Variants in IL1RAPL1 observed in about 807,000 individuals in gnomAD.
IL1RAPL1 encodes interleukin 1 receptor accessory protein like 1.
In IL1RAPL1, 3 loss-of-function variants were observed where a neutral mutation model predicts 48.4. That is an observed-to-expected ratio of 0.06 (90% CI 0.03 to 0.16). The LOEUF (loss-of-function observed/expected upper bound fraction) is 0.16. IL1RAPL1 is among the 10% of genes least tolerant of loss of function. The pLI is 1.00. For missense variants in IL1RAPL1, 349 were observed against 530.6 expected, an observed-to-expected ratio of 0.66 and a Z score of 3.36; for synonymous variants, 185 against 187.7, an observed-to-expected ratio of 0.99 and a Z score of 0.12.
intron 2 of IL1RAPL1, among the ~76,000 whole-genome samples, chrX:29,273,879 C>T (rs1160458190): frequency 9.0e-6 from 1 of 111,686 alleles, no homozygotes; most frequent in African/African-American, 3.3e-5. Context: ...TCAAGGCAAT[C>T]TTCTATACTT....
At chrX:29,486,278 C>T (rs780586845) in intron 5 of IL1RAPL1, among the ~76,000 whole-genome samples, 2 of 110,333 alleles carry the variant, frequency 1.8e-5, no homozygotes, top group Non-Finnish European at 3.8e-5. Context: ...GTGTGTTGTT[C>T]GTTTGTGTTT....
In IL1RAPL1 at chrX:28,822,467, T is replaced by C. The variant is rs756013578; in HGVS notation, c.82+33042T>C. Among the ~76,000 whole-genome samples, 28 of 112,159 alleles carry C rather than the reference T, an allele frequency of 2.5e-4. 1 individual carries two copies. The highest frequency in any genetic ancestry group is 4.7e-4 in the Non-Finnish European group (25 of 53,145). Reference sequence around the variant, plus strand: ...AAGGTTGCCAACCCCTGTGTTAGACTATCAGATACAAGGAACTGTCTTATT... The same window carrying C: ...AAGGTTGCCAACCCCTGTGTTAGACCATCAGATACAAGGAACTGTCTTATT... On this transcript the variant is annotated intron_variant, in intron 2 of 10. Transcript: ENST00000378993.
intron 1 of IL1RAPL1, among the ~76,000 whole-genome samples, chrX:28,757,638 A>G (rs1191639708): frequency 1.8e-5 from 2 of 111,725 alleles, no homozygotes; most frequent in Non-Finnish European, 3.8e-5. Flanking sequence ...TCCACCTTGA[A>G]GACATCACTG....
intron 1 of IL1RAPL1, among the ~76,000 whole-genome samples, chrX:28,742,749 T>G (rs946434406): frequency 8.9e-6 from 1 of 112,087 alleles, no homozygotes; most frequent in Non-Finnish European, 1.9e-5. Context: ...ATAATTTCAC[T>G]TCTATAGATG....
chrX:29,778,282 G>T (rs373591221), intron 6 of IL1RAPL1, among the ~76,000 whole-genome samples: 3 of 111,736 alleles, frequency 2.7e-5, no homozygotes, highest in East Asian at 5.6e-4. Flanking sequence ...AGACTAGGAT[G>T]TAGACTGTAA....
chrX:29,132,093 G>A (rs1306781857), intron 2 of IL1RAPL1, among the ~76,000 whole-genome samples: 7 of 111,542 alleles, frequency 6.3e-5, no homozygotes, highest in Middle Eastern at 9.2e-3. Flanking sequence ...ATGTTAATAC[G>A]CTTAACTCTA....
At chrX:29,340,738 T>G (rs1933062141) in intron 3 of IL1RAPL1, among the ~76,000 whole-genome samples, 1 of 111,331 alleles carries the variant, frequency 9.0e-6, no homozygotes, top group Non-Finnish European at 1.9e-5. Context: ...GAAATACAGG[T>G]ATTATGGTGA....
chrX:28,954,283 AGTACTGGCATGTGG>A (rs1341135880), intron 2 of IL1RAPL1, among the ~76,000 whole-genome samples: 1 of 111,549 alleles, frequency 9.0e-6, no homozygotes, highest in Non-Finnish European at 1.9e-5. Flanking sequence ...AAGATTTGTG[AGTACTGGCATGTGG>A]GTCAGAAAAC....
intron 5 of IL1RAPL1, among the ~76,000 whole-genome samples, chrX:29,661,062 A>G (rs975159008): frequency 4.5e-5 from 5 of 111,535 alleles, no homozygotes; most frequent in African/African-American, 1.3e-4. Flanking sequence ...TCCTTGGTTA[A>G]ACTTATTCAT....
At chrX:29,419,832 A>G (rs1934269717) in intron 5 of IL1RAPL1, among the ~76,000 whole-genome samples, 1 of 111,287 alleles carries the variant, frequency 9.0e-6, no homozygotes, top group Non-Finnish European at 1.9e-5. Context: ...TACTTTGGAA[A>G]TAGTTTCTAG....
chrX:29,291,848 A>G (rs1334893887), intron 3 of IL1RAPL1, among the ~76,000 whole-genome samples: 1 of 112,453 alleles, frequency 8.9e-6, no homozygotes, highest in Admixed American at 9.4e-5. Flanking sequence ...ACACCCATAA[A>G]TATCTTCAGG....
intron 2 of IL1RAPL1, among the ~76,000 whole-genome samples, chrX:29,001,279 C>G (rs770956407): frequency 8.9e-6 from 1 of 111,884 alleles, no homozygotes; most frequent in Admixed American, 9.5e-5. Flanking sequence ...GACACCCTCA[C>G]TTAATGAGAA....
chrX:28,613,464 A>G (rs1048936623), intron 1 of IL1RAPL1, among the ~76,000 whole-genome samples: 2 of 113,164 alleles, frequency 1.8e-5, no homozygotes, highest in Non-Finnish European at 3.7e-5. Context: ...CTGATTCAGA[A>G]GGACGGCCTG....
At chrX:28,926,229 A>G (rs1923737906) in intron 2 of IL1RAPL1, among the ~76,000 whole-genome samples, 1 of 112,324 alleles carries the variant, frequency 8.9e-6, no homozygotes, top group South Asian at 3.6e-4. Flanking sequence ...CATTGCAGAA[A>G]GTTCTACTGA....
At chrX:29,123,625 CAA>C (rs1928842263) in intron 2 of IL1RAPL1, among the ~76,000 whole-genome samples, 1 of 111,178 alleles carries the variant, frequency 9.0e-6, no homozygotes, top group Admixed American at 9.6e-5. Flanking sequence ...ATATGCCAAT[CAA>C]GAGTAACTAT....
chrX:29,110,079 C>T (rs753472902), intron 2 of IL1RAPL1, among the ~76,000 whole-genome samples: 269 of 111,590 alleles, frequency 2.4e-3, no homozygotes, highest in African/African-American at 8.5e-3. Context: ...TTTAAAAAAG[C>T]CTTTGGTAAA....
intron 5 of IL1RAPL1, among the ~76,000 whole-genome samples, chrX:29,514,710 A>G (rs1031447417): frequency 1.8e-5 from 2 of 112,536 alleles, no homozygotes; most frequent in Non-Finnish European, 3.8e-5. Flanking sequence ...TGGCCTCCCA[A>G]AAGTGCTGGG....
intron 2 of IL1RAPL1, among the ~76,000 whole-genome samples, chrX:28,930,810 T>C (rs1923860334): frequency 9.1e-6 from 1 of 110,358 alleles, no homozygotes; most frequent in African/African-American, 3.3e-5. Context: ...CCCGGCTAAT[T>C]TTTTGTATTT....
intron 6 of IL1RAPL1, among the ~76,000 whole-genome samples, chrX:29,684,141 AC>A (rs748071740): frequency 2.6e-4 from 29 of 111,716 alleles, no homozygotes; most frequent in African/African-American, 8.8e-4. Flanking sequence ...CTATGTACCC[AC>A]AAAAATTTTA....
Sources: allele counts gnomAD v4.1 joint callset (sites outside exome capture counted in the v4.1 genomes callset), GRCh38; gene constraint gnomAD v4.1.1; transcripts MANE v1.5; gene names NCBI Gene and HGNC (gene_info 2026-07-23, HGNC 2026-07-21).